RASAL2: variants seen among roughly 807,000 people sequenced by gnomAD.
The protein encoded by RASAL2 is RAS protein activator like 2, also known as ras GTPase-activating protein nGAP.
A neutral mutation model predicts 128.9 loss-of-function variants in RASAL2; 58 were observed. That is an observed-to-expected ratio of 0.45 (90% CI 0.36 to 0.56). RASAL2 has a LOEUF of 0.56. Among genes scored for constraint, RASAL2 ranks in the 20% least tolerant of loss-of-function variants. RASAL2 has a pLI of 0.00. For synonymous variants in RASAL2, 561 were observed against 580.8 expected (o/e 0.97, Z 0.49); for missense variants, 1,360 against 1,601.6 (o/e 0.85, Z 2.57).
chr1:178,229,017 T>G (rs934791555), intron 1 of RASAL2, among the ~76,000 whole-genome samples: 1 of 152,212 alleles, frequency 6.6e-6, no homozygotes, highest in Non-Finnish European at 1.5e-5. Context: ...AAATTTGCAA[T>G]AGTACAATAA....
chr1:178,277,574 T>C (rs922343167), intron 1 of RASAL2, among the ~76,000 whole-genome samples: 1 of 152,246 alleles, frequency 6.6e-6, no homozygotes, highest in Non-Finnish European at 1.5e-5. Flanking sequence ...ATTTCAGAGT[T>C]GCGAAGAATT....
At chr1:178,301,354 A>G (rs1667753133) in intron 3 of RASAL2, among the ~76,000 whole-genome samples, 1 of 152,068 alleles carries the variant, frequency 6.6e-6, no homozygotes, top group South Asian at 2.1e-4. Context: ...TCCAAGTTCT[A>G]TGTAAATTGA....
intron 1 of RASAL2, among the ~76,000 whole-genome samples, chr1:178,120,594 T>G (rs60641261): frequency 0.02 from 3,014 of 152,318 alleles, 87 homozygotes; most frequent in African/African-American, 0.065. Flanking sequence ...CCACCAAATG[T>G]AGCTTAATTG....
At chr1:178,133,579 T>A (rs1208524463) in intron 1 of RASAL2, among the ~76,000 whole-genome samples, 1 of 152,120 alleles carries the variant, frequency 6.6e-6, no homozygotes, top group East Asian at 1.9e-4. Context: ...TATAACTCAC[T>A]GTCTAACAAA....
intron 5 of RASAL2, among the ~76,000 whole-genome samples, chr1:178,427,164 A>G (rs1675565277): frequency 6.6e-6 from 1 of 152,170 alleles, no homozygotes; most frequent in South Asian, 2.1e-4. Flanking sequence ...TTCACATTAA[A>G]GCCATGTCAT....
chr1:178,173,960 C>A (rs1050350213), intron 1 of RASAL2, among the ~76,000 whole-genome samples: 4 of 151,640 alleles, frequency 2.6e-5, no homozygotes, highest in East Asian at 3.9e-4. Flanking sequence ...TAATTCCCCC[C>A]TCCCCACTAT....
At chr1:178,102,695 A>G (rs1658949348) in intron 1 of RASAL2, among the ~76,000 whole-genome samples, 1 of 152,046 alleles carries the variant, frequency 6.6e-6, no homozygotes, top group Non-Finnish European at 1.5e-5. Flanking sequence ...TTTTTTAAAT[A>G]TGTTATTTAT....
At chr1:178,385,753 T>C (rs994768273) in intron 3 of RASAL2, among the ~76,000 whole-genome samples, 22 of 152,126 alleles carry the variant, frequency 1.4e-4, no homozygotes, top group African/African-American at 5.3e-4. Context: ...CTTTACCTCC[T>C]ACTATTTGTT....
intron 3 of RASAL2, among the ~76,000 whole-genome samples, chr1:178,344,589 CAG>C (rs1265150122): frequency 6.6e-6 from 1 of 152,178 alleles, no homozygotes; most frequent in Non-Finnish European, 1.5e-5. Flanking sequence ...GTGTTTGTTA[CAG>C]ACTCTTTTTG....
intron 3 of RASAL2, among the ~76,000 whole-genome samples, chr1:178,355,674 T>C (rs1670764944): frequency 6.6e-6 from 1 of 152,208 alleles, no homozygotes; most frequent in Admixed American, 6.5e-5. Flanking sequence ...CAAAAGACAC[T>C]ACTGAAAGTG....
intron 1 of RASAL2, among the ~76,000 whole-genome samples, chr1:178,223,477 A>G (rs1280373628): frequency 6.6e-6 from 1 of 152,116 alleles, no homozygotes; most frequent in African/African-American, 2.4e-5. Flanking sequence ...TGGGAAGGAG[A>G]GTGACAGGTG....
intron 1 of RASAL2, among the ~76,000 whole-genome samples, chr1:178,177,554 G>A (rs1346657272): frequency 6.6e-6 from 1 of 152,170 alleles, no homozygotes; most frequent in Admixed American, 6.5e-5. Context: ...AAAAGGAACA[G>A]TACCTTCACT....
At chr1:178,196,130 T>G (rs1662650860) in intron 1 of RASAL2, among the ~76,000 whole-genome samples, 3 of 152,154 alleles carry the variant, frequency 2.0e-5, no homozygotes, top group African/African-American at 7.2e-5. Context: ...AGGTAGGATC[T>G]TAAATTCTCA....
intron 1 of RASAL2, among the ~76,000 whole-genome samples, chr1:178,147,498 A>T (rs1660775247): frequency 6.7e-6 from 1 of 149,560 alleles, no homozygotes; most frequent in Non-Finnish European, 1.5e-5. Flanking sequence ...AAAAAAAAAG[A>T]AAAGTAAAGG....
intron 3 of RASAL2, among the ~76,000 whole-genome samples, chr1:178,324,860 G>C (rs545471417): frequency 3.5e-4 from 53 of 152,224 alleles, no homozygotes; most frequent in African/African-American, 1.1e-3. Flanking sequence ...GTGCGAAACA[G>C]ACTCTAACTG....
chr1:178,438,781 T>C (rs1676420304), intron 5 of RASAL2, among the ~76,000 whole-genome samples: 1 of 151,914 alleles, frequency 6.6e-6, no homozygotes. Flanking sequence ...TAGTAAAGCA[T>C]GTATTGAACC....
intron 3 of RASAL2, among the ~76,000 whole-genome samples, chr1:178,343,906 T>A (rs1303743257): frequency 6.6e-6 from 1 of 152,144 alleles, no homozygotes; most frequent in African/African-American, 2.4e-5. Flanking sequence ...ATTCATTTGA[T>A]AATTTAATAT....
In RASAL2 at chr1:178,329,984, A is replaced by G. The variant is rs145000858; in HGVS notation, c.457+29866A>G. Reference sequence around the variant, plus strand: ...GTAAAAGGATGGAAGGCTCTGGTATATATTAGTATTATAAGTTAATAATAA... The same window carrying G: ...GTAAAAGGATGGAAGGCTCTGGTATGTATTAGTATTATAAGTTAATAATAA... On this transcript the variant is annotated intron_variant, in intron 3 of 17. Coordinates refer to ENST00000367649, the MANE Select transcript of RASAL2 (RefSeq NM_170692.4). Among the ~76,000 whole-genome samples the G allele has an allele frequency of 3.0e-4, 45 of 152,316 alleles. No homozygotes were observed. In the East Asian group the frequency reaches 7.3e-3, roughly 25 times the overall value.
intron 1 of RASAL2, among the ~76,000 whole-genome samples, chr1:178,114,664 G>A (rs1659460157): frequency 6.6e-6 from 1 of 152,040 alleles, no homozygotes; most frequent in Non-Finnish European, 1.5e-5. Context: ...TGGGACTACA[G>A]GCGCCCACCA....
Sources: gnomAD v4.1 joint callset for allele counts (sites outside exome capture counted in the v4.1 genomes callset) on GRCh38, gnomAD v4.1.1 for gene constraint, MANE v1.5 for transcripts, NCBI Gene and HGNC (gene_info 2026-07-23, HGNC 2026-07-21) for gene names.